Variants in FOXN4 observed in about 807,000 individuals in gnomAD.
FOXN4 encodes forkhead box protein N4.
A neutral mutation model predicts 45.0 loss-of-function variants in FOXN4; 12 were observed. That is an observed-to-expected ratio of 0.27 (90% CI 0.17 to 0.43). The LOEUF (loss-of-function observed/expected upper bound fraction) is 0.43, where lower values mean the gene tolerates loss of function less well. Among genes scored for constraint, FOXN4 ranks in the 20% least tolerant of loss-of-function variants. The pLI is 1.00. For missense variants in FOXN4, 560 were observed against 694.9 expected (o/e 0.81, Z 2.18); for synonymous variants, 297 against 295.0 (o/e 1.01, Z -0.07).
chr12:109,282,272 T>TA (rs2047660237), intron 8 of FOXN4, among the ~76,000 whole-genome samples: 1 of 152,040 alleles, frequency 6.6e-6, no homozygotes, highest in African/African-American at 2.4e-5. Context: ...CATAGTGAGC[T>TA]ACCATCTCTA....
rs189142630 is a variant in FOXN4, at chr12:109,302,012, A to C, written c.86+6224T>G. 2.9e-3 allele frequency among the ~76,000 whole-genome samples: 449 copies of C among 152,238 alleles called. 3 individuals carry two copies. Among genetic ancestry groups the C allele is most frequent in the Middle Eastern group, 6.8e-3 (2 of 294 alleles). ...ATCTCCCAGTTTTCCCTTCTCCTGAAATGGTTAGTGCTGTCAGTATCTACA... is the reference window on the plus strand; with the variant it reads ...ATCTCCCAGTTTTCCCTTCTCCTGACATGGTTAGTGCTGTCAGTATCTACA... On this transcript the variant is annotated intron_variant, in intron 2 of 9. Transcript: ENST00000299162.
In FOXN4 at chr12:109,279,861, G is replaced by T. The variant is rs754715628; in HGVS notation, c.1364C>A (p.Pro455Gln). Residue 455 changes from proline (P) to glutamine (Q), a missense_variant, in exon 10 of 10, where the codon CCG becomes CAG. Physicochemically the swap from Pro to Gln is moderately conservative, Grantham distance 76 (BLOSUM62 -1). Around this residue, in one of 5 missense-constraint regions of FOXN4, gnomAD observed 315 missense variants for 350.5 expected, o/e 0.90. Coordinates refer to ENST00000299162, the MANE Select transcript of FOXN4 (RefSeq NM_213596.3). ...TGAGGCCCCCAGGTCACAGCCAAGC[G>T]GGGAGTCTGCAAAGGCGCCCAGTGT... is the stretch of plus-strand genomic sequence containing the variant. Reference protein sequence around the residue: ...LDTLGAFADSPLGCDLGASGL... With the variant: ...LDTLGAFADSQLGCDLGASGL... 3.1e-5 allele frequency: 50 copies of T among 1,613,840 alleles called. No homozygotes were observed. The highest frequency in any genetic ancestry group is 4.2e-5 in the Non-Finnish European group (49 of 1,179,890).
Position 109,279,841 on chromosome 12 carries a change from C to T in FOXN4, c.1384G>A (p.Ala462Thr). ...ADSPLGCDLG[A>T]SGLTPASGGS... is the part of the protein sequence containing the mutation. ...CCCGAGGCAGGGGTTAGGCCTGAGG[C>T]CCCCAGGTCACAGCCAAGCGGGGAG... The change falls in exon 10 of 10, where the codon GCC becomes ACC. Residue 462 changes from alanine to threonine, a missense_variant. Coordinates refer to ENST00000299162, the MANE Select transcript of FOXN4 (RefSeq NM_213596.3). 2 of 1,613,694 alleles carry T rather than the reference C, an allele frequency of 1.2e-6. No homozygotes were observed. Among genetic ancestry groups the T allele is most frequent in the Non-Finnish European group, 1.7e-6 (2 of 1,179,796 alleles).
In FOXN4 at chr12:109,298,231, G is replaced by A. The variant is rs146484083; in HGVS notation, c.87-7945C>T. 2.4e-3 allele frequency among the ~76,000 whole-genome samples: 370 copies of A among 151,950 alleles called. 1 individual carries two copies. The highest frequency in any genetic ancestry group is 7.6e-3 in the African/African-American group (316 of 41,450). On this transcript the variant is annotated intron_variant, in intron 2 of 9. Coordinates refer to ENST00000299162, the MANE Select transcript of FOXN4 (RefSeq NM_213596.3). Reference sequence around the variant, plus strand: ...CATCTCACAAAGTTGTGAGCCCCCCGTCCCAGACCTATCCAAGCAGTAGCC... The same window carrying A: ...CATCTCACAAAGTTGTGAGCCCCCCATCCCAGACCTATCCAAGCAGTAGCC...
At chr12:109,293,638 C>T (rs2047790269) in intron 2 of FOXN4, among the ~76,000 whole-genome samples, 2 of 152,242 alleles carry the variant, frequency 1.3e-5, no homozygotes, top group African/African-American at 2.4e-5. Context: ...GCTGGAAGTA[C>T]AGGCACGCGC....
At chr12:109,300,192 G>A (rs2047857156) in intron 2 of FOXN4, among the ~76,000 whole-genome samples, 1 of 152,168 alleles carries the variant, frequency 6.6e-6, no homozygotes, top group Non-Finnish European at 1.5e-5. Context: ...CAACAGCAGG[G>A]TGTCCGGCAC....
intron 2 of FOXN4, among the ~76,000 whole-genome samples, chr12:109,293,084 T>C (rs1419540822): frequency 2.0e-5 from 3 of 152,056 alleles, no homozygotes; most frequent in Non-Finnish European, 2.9e-5. Context: ...AATGATGCCC[T>C]TTCTGCTCCC....
intron 1 of FOXN4, among the ~76,000 whole-genome samples, chr12:109,308,631 C>T (rs2047941617): frequency 6.6e-6 from 1 of 152,050 alleles, no homozygotes; most frequent in African/African-American, 2.4e-5. Context: ...TGTGGACTCA[C>T]AAAATAGGAA....
At position 109,281,388 on chromosome 12, in the gene FOXN4, T is replaced by G. The variant is rs200177208; in HGVS notation, c.1294+19A>C. On this transcript the variant is annotated intron_variant, in intron 9 of 9. Coordinates refer to ENST00000299162, the MANE Select transcript of FOXN4 (RefSeq NM_213596.3). ...CCCCTCCCCATTCCATTCCCATCAC[T>G]CCATTCCTCCAGCCTCACCCTGCAG... is the stretch of plus-strand genomic sequence containing the variant. 9 of 1,612,364 alleles carry G rather than the reference T, an allele frequency of 5.6e-6. No homozygotes were observed. In the African/African-American group the frequency reaches 1.1e-4, roughly 19 times the overall value.
Position 109,287,254 on chromosome 12 carries a change from C to G in FOXN4, c.596+143G>C. 1 of 1,157,292 alleles carries G rather than the reference C, an allele frequency of 8.6e-7. No homozygotes were observed. The highest frequency in any genetic ancestry group is 2.6e-5 in the Admixed American group (1 of 37,870). 71.7% of individuals were successfully genotyped at this position (1,157,292 alleles called of 1,614,324 possible). ...GATGCGCCTTCCTGAGAACAAGTCC[C>G]ACCTGGGGGTTCCCCACTCCCCAAA... is the stretch of plus-strand genomic sequence containing the variant. On this transcript the variant is annotated intron_variant, in intron 6 of 9. Coordinates refer to ENST00000299162, the MANE Select transcript of FOXN4 (RefSeq NM_213596.3). This position sits in a 1 kb window ranked among gnomAD's most constrained non-coding sequence, Gnocchi z 4.1.
chr12:109,308,930 C>T (rs552049221), intron 1 of FOXN4, among the ~76,000 whole-genome samples, 189 bp downstream of exon 1: 1 of 152,324 alleles, frequency 6.6e-6, no homozygotes, highest in South Asian at 2.1e-4. Flanking sequence ...AACTCCAAGC[C>T]TGAACCAACA....
chr12:109,285,279 G>GCA (rs758913960), intron 8 of FOXN4, 25 bp downstream of exon 8: 4 of 1,560,650 alleles, frequency 2.6e-6, no homozygotes, highest in African/African-American at 2.8e-5. Flanking sequence ...GTGTGTGCGC[G>GCA]CACTGCGGGC....
intron 8 of FOXN4, 142 bp downstream of exon 8, chr12:109,285,146 GTGTGTGTGCGCATATT>G: frequency 2.4e-6 from 1 of 421,028 alleles, no homozygotes; most frequent in Admixed American, 6.5e-5. Context: ...GCGTGTATTT[GTGTGTGTGCGCATATT>G]TGTGTGTGTG....
intron 2 of FOXN4, among the ~76,000 whole-genome samples, chr12:109,298,982 A>G (rs771942521): frequency 5.9e-5 from 9 of 152,124 alleles, no homozygotes; most frequent in Non-Finnish European, 1.3e-4. Context: ...CAGTTCATCA[A>G]TAATTTATTT....
chr12:109,299,810 G>C (rs1354295569), intron 2 of FOXN4, among the ~76,000 whole-genome samples: 1 of 152,174 alleles, frequency 6.6e-6, no homozygotes, highest in East Asian at 1.9e-4. Context: ...TTACTTCATG[G>C]GTGTTACCTG....
Position 109,285,470 on chromosome 12 carries a change from C to T in FOXN4, c.735G>A (p.Leu245=). 6.2e-7 allele frequency: 1 copy of T among 1,614,098 alleles called. No homozygotes were observed. Among genetic ancestry groups the T allele is most frequent in the East Asian group, 2.2e-5 (1 of 44,878 alleles). ...CCTTCTCGAAGCACTTGTTCAGAGA[C>T]AGGTTGTGCCGCACCGAGTTCTTCC... is the stretch of plus-strand genomic sequence containing the variant. The part of the protein sequence containing the change: ...DGWKNSVRHN[L]SLNKCFEKVE... Residue 245 remains leucine (L), a synonymous_variant, in exon 8 of 10, where the codon CTG becomes CTA. Transcript: ENST00000299162.
chr12:109,292,328 C>T (rs190914033), intron 2 of FOXN4, among the ~76,000 whole-genome samples: 1 of 152,230 alleles, frequency 6.6e-6, no homozygotes, highest in East Asian at 1.9e-4. Context: ...GGGGGAGGGG[C>T]TATAAATAAC....
intron 8 of FOXN4, 45 bp downstream of exon 8, chr12:109,285,259 G>A (rs763553448): frequency 1.3e-6 from 2 of 1,541,644 alleles, no homozygotes; most frequent in African/African-American, 2.8e-5. Flanking sequence ...GTGTGTGTGT[G>A]TGTGTGTGTG....
Position 109,279,528 on chromosome 12 carries a change from T to C in FOXN4, c.*143A>G. 1 of 1,292,364 alleles carries C rather than the reference T, an allele frequency of 7.7e-7. No individual in the cohort carries two copies. Among genetic ancestry groups the C allele is most frequent in the South Asian group, 1.5e-5 (1 of 67,652 alleles). 80.1% of individuals were successfully genotyped at this position (1,292,364 alleles called of 1,614,324 possible). The stretch of plus-strand genomic sequence containing the variant: ...AGAGGGGCTGCTGAGGGGAACCGCT[T>C]CCCTGTCCAGCCGGCAACTTCGCCA... On this transcript the variant is annotated 3_prime_UTR_variant, in exon 10 of 10. Transcript: ENST00000299162.
Sources: allele counts gnomAD v4.1 joint callset (sites outside exome capture counted in the v4.1 genomes callset), GRCh38; gene constraint gnomAD v4.1.1; regional missense constraint gnomAD v4.1.1; non-coding constraint Gnocchi (gnomAD v3.1); transcripts MANE v1.5; gene names NCBI Gene and HGNC (gene_info 2026-07-23, HGNC 2026-07-21).